COPB2: variants seen among roughly 807,000 people sequenced by gnomAD.
The protein encoded by COPB2 is coat protein complex I subunit beta 2.
Under a neutral mutation model 120.8 loss-of-function variants are expected in COPB2, and 16 were observed. That is an observed-to-expected ratio of 0.13 (90% CI 0.09 to 0.20). The LOEUF (loss-of-function observed/expected upper bound fraction) is 0.20, where lower values mean the gene tolerates loss of function less well. Ranked by LOEUF, COPB2 falls within the 10% of genes least tolerant of loss-of-function variation. COPB2 has a pLI of 1.00. For synonymous variants in COPB2, 332 were observed against 366.3 expected (o/e 0.91, Z 1.07); for missense variants, 794 against 1,076.5 (o/e 0.74, Z 3.67).
chr3:139,377,889 G>T, intron 5 of COPB2, 152 bp downstream of exon 5: 4 of 628,506 alleles, frequency 6.4e-6, no homozygotes, highest in East Asian at 3.3e-5. Context: ...CATGTCGTTT[G>T]GATTAAAATG....
At chr3:139,376,874 C>T (rs536268976) in intron 5 of COPB2, among the ~76,000 whole-genome samples, 21 of 152,286 alleles carry the variant, frequency 1.4e-4, no homozygotes, top group Admixed American at 7.8e-4. Flanking sequence ...CTCAGCCTCC[C>T]GAGTAGATGG....
chr3:139,371,882 G>T, intron 9 of COPB2, 49 bp from the exon 10 acceptor site: 1 of 1,417,018 alleles, frequency 7.1e-7, no homozygotes, highest in Non-Finnish European at 9.9e-7. Flanking sequence ...CCAAAGACAT[G>T]TAGAAGTTAA....
In COPB2 at chr3:139,359,174, C is replaced by T. The variant is rs750626785; in HGVS notation, c.2308G>A (p.Val770Met). ...GAGAGATTCTCTCTCCAGAGTTTCA[C>T]TACCCTATTATAGACATCATGGAAC... ...TYLPSQVSRV[V>M]KLWRENLSKV... The change falls in exon 19 of 22, where the codon GTG becomes ATG. Residue 770 changes from valine (V) to methionine (M), a missense_variant. Val to Met is a conservative substitution (Grantham distance 21). Around this residue, in one of 3 missense-constraint regions of COPB2, gnomAD observed 178 missense variants for 183.2 expected, o/e 0.97. Coordinates refer to ENST00000333188, the MANE Select transcript of COPB2 (RefSeq NM_004766.3). The T allele has an allele frequency of 6.8e-6, 11 of 1,613,244 alleles. No homozygotes were observed. Among genetic ancestry groups the T allele is most frequent in the Admixed American group, 1.7e-5 (1 of 59,818 alleles).
intron 2 of COPB2, chr3:139,383,005 T>G (rs1392882580): frequency 2.8e-6 from 1 of 361,858 alleles, no homozygotes; most frequent in Non-Finnish European, 5.1e-6. Context: ...GATTAAATAC[T>G]TTAGCAAGTG....
At position 139,359,026 on chromosome 3, in the gene COPB2, C is replaced by A; in HGVS notation, c.2456G>T (p.Trp819Leu). The change falls in exon 19 of 22, where the codon TGG becomes TTG. Residue 819 changes from tryptophan (W) to leucine (L), a missense_variant. Trp to Leu is a moderately conservative substitution (Grantham distance 61, BLOSUM62 -2). Around this residue, in one of 3 missense-constraint regions of COPB2, gnomAD observed 178 missense variants for 183.2 expected, o/e 0.97. Transcript: ENST00000333188. ...GACAAGTGGGTATTGTTTGGCTGGCCACAGATCAGCATGTGTTTCCTTCAC... is the reference window on the plus strand; with the variant it reads ...GACAAGTGGGTATTGTTTGGCTGGCAACAGATCAGCATGTGTTTCCTTCAC... ...EWVKETHADL[W>L]PAKQYPLVTP... 6.2e-7 allele frequency: 1 copy of A among 1,613,330 alleles called. No homozygotes were observed. The highest frequency in any genetic ancestry group is 8.5e-7 in the Non-Finnish European group (1 of 1,179,768).
intron 6 of COPB2, 70 bp from the exon 7 acceptor site, chr3:139,374,658 C>T (rs1941684094): frequency 1.6e-6 from 2 of 1,249,856 alleles, no homozygotes; most frequent in South Asian, 1.3e-5. Flanking sequence ...TTAATTTTCT[C>T]AGTGTACAGA....
chr3:139,379,080 G>A lies in COPB2; in HGVS notation c.322C>T (p.His108Tyr), dbSNP rs1471164301. The A allele has an allele frequency of 1.9e-6, 3 of 1,608,764 alleles. No homozygotes were observed. The highest frequency in any genetic ancestry group is 2.5e-6 in the Non-Finnish European group (3 of 1,178,540). The change falls in exon 4 of 22, where the codon CAT (histidine) becomes TAT (tyrosine). Residue 108 changes from histidine to tyrosine, a missense_variant. His to Tyr is a moderately conservative substitution (Grantham distance 83, BLOSUM62 2). This residue lies in a region of COPB2 where 610 missense variants were observed against 866.7 expected (regional missense o/e 0.70). Coordinates refer to ENST00000333188, the MANE Select transcript of COPB2 (RefSeq NM_004766.3). ...GTTAGAATGAAAGGCTGGGTTGGAT[G>A]AACAGCAATACAGCGAATGTAGTCT... ...HSDYIRCIAV[H>Y]PTQPFILTSS... is the part of the protein sequence containing the mutation.
intron 13 of COPB2, among the ~76,000 whole-genome samples, chr3:139,367,658 A>C (rs1197452662): frequency 6.6e-6 from 1 of 152,184 alleles, no homozygotes; most frequent in Non-Finnish European, 1.5e-5. Context: ...AGAAAAAAAA[A>C]CAAAACAAAA....
Position 139,364,393 on chromosome 3 carries a change from G to A in COPB2, c.1885-1876C>T, listed in dbSNP as rs946609313. Among the ~76,000 whole-genome samples, 3 of 152,114 alleles carry A rather than the reference G, an allele frequency of 2.0e-5. No individual in the cohort carries two copies. The East Asian group carries it at 5.8e-4, about 29-fold the overall frequency. ...GACAAACTAAAGAGTCTCCAGACCA[G>A]GAGATTCCAAGCACACTTGGAGGAA... On this transcript the variant is annotated intron_variant, in intron 15 of 21. Coordinates refer to ENST00000333188, the MANE Select transcript of COPB2 (RefSeq NM_004766.3).
rs1437110525 is a variant in COPB2, at chr3:139,366,742, G to T, written c.1710C>A (p.Asp570Glu). 6.2e-7 allele frequency: 1 copy of T among 1,613,992 alleles called. No individual in the cohort carries two copies. The highest frequency in any genetic ancestry group is 1.1e-5 in the South Asian group (1 of 91,080). The part of the protein sequence containing the change: ...TMYLLGYIPK[D>E]NRLYLGDKEL... ...CTTTATCCCCCAGATAAAGCCTGTTGTCTTTAGGAATGTAGCCTAGGAGAT... is the reference window on the plus strand; with the variant it reads ...CTTTATCCCCCAGATAAAGCCTGTTTTCTTTAGGAATGTAGCCTAGGAGAT... The change falls in exon 15 of 22, where the codon GAC becomes GAA. Residue 570 changes from aspartate to glutamate, a missense_variant. Asp to Glu is a conservative substitution (Grantham distance 45, BLOSUM62 2). Coordinates refer to ENST00000333188, the MANE Select transcript of COPB2 (RefSeq NM_004766.3).
chr3:139,371,615 T>C, intron 10 of COPB2, 108 bp downstream of exon 10: 1 of 920,214 alleles, frequency 1.1e-6, no homozygotes, highest in Non-Finnish European at 1.7e-6. Flanking sequence ...GTGAGAACTG[T>C]TTTTTAACAC....
chr3:139,374,429 T>A (rs1941681256), intron 7 of COPB2, 60 bp downstream of exon 7: 1 of 1,314,140 alleles, frequency 7.6e-7, no homozygotes, highest in Admixed American at 1.7e-5. Flanking sequence ...AGACATTACT[T>A]GCTTTAAATG....
In COPB2 at chr3:139,367,035, G is replaced by A; in HGVS notation, c.1656C>T (p.Val552=). ...GGTACCTGTCCAAGTGGGCAATGGT[G>A]ACTATTTCTCCTCCAACATAATAAT... is the stretch of plus-strand genomic sequence containing the variant. ...RLNYYVGGEI[V]TIAHLDRTMY... is the part of the protein sequence containing the mutation. Residue 552 remains valine (V), a synonymous_variant, in exon 14 of 22, where the codon GTC becomes GTT. Coordinates refer to ENST00000333188, the MANE Select transcript of COPB2 (RefSeq NM_004766.3). 1.2e-6 allele frequency: 2 copies of A among 1,612,964 alleles called. No individual in the cohort carries two copies. The highest frequency in any genetic ancestry group is 1.7e-6 in the Non-Finnish European group (2 of 1,179,656).
In COPB2 at chr3:139,357,836, T is replaced by TAGTC. The variant is rs1260402521; in HGVS notation, c.*23_*26dup. On this transcript the variant is annotated 3_prime_UTR_variant, in exon 22 of 22. Transcript: ENST00000333188. Reference sequence around the variant, plus strand: ...TACCTATATATAATAATGATCTGTTTAGTCAGGTAAATGGAAAGCATTACA... The same window carrying TAGTC: ...TACCTATATATAATAATGATCTGTTTAGTCAGTCAGGTAAATGGAAAGCATTACA... The TAGTC allele has an allele frequency of 8.0e-7, 1 of 1,254,358 alleles. No homozygotes were observed. The allele number at this position is 1,254,358 out of a possible 1,614,324, so 77.7% of individuals were successfully genotyped here.
intron 10 of COPB2, among the ~76,000 whole-genome samples, chr3:139,370,166 C>G (rs1941596879): frequency 2.6e-5 from 4 of 152,106 alleles, no homozygotes; most frequent in African/African-American, 7.2e-5. Context: ...CATACATTTG[C>G]CCAAATCTAC....
chr3:139,377,151 T>C (rs899360197), intron 5 of COPB2, among the ~76,000 whole-genome samples: 1 of 152,222 alleles, frequency 6.6e-6, no homozygotes, highest in South Asian at 2.1e-4. Flanking sequence ...CTGTTTGCTA[T>C]TGAATGGCTG....
intron 16 of COPB2, among the ~76,000 whole-genome samples, chr3:139,361,502 A>G (rs2107797121): frequency 6.6e-6 from 1 of 152,338 alleles, no homozygotes; most frequent in South Asian, 2.1e-4. Context: ...ACACAAATCA[A>G]TTTTAATGAT....
intron 2 of COPB2, 24 bp from the exon 3 acceptor site, chr3:139,379,490 C>T (rs1303581322): frequency 1.9e-6 from 3 of 1,584,616 alleles, no homozygotes; most frequent in Non-Finnish European, 2.6e-6. Context: ...CAAGAATACA[C>T]AAATTGAGCT....
intron 13 of COPB2, 87 bp downstream of exon 13, chr3:139,368,058 G>A (rs1431552761): frequency 5.5e-5 from 78 of 1,409,066 alleles, no homozygotes; most frequent in Non-Finnish European, 7.2e-5. Flanking sequence ...AATTTATAAC[G>A]AAATGTTAAA....
Sources: allele counts gnomAD v4.1 joint callset (sites outside exome capture counted in the v4.1 genomes callset), GRCh38; gene constraint gnomAD v4.1.1; regional missense constraint gnomAD v4.1.1; transcripts MANE v1.5; gene names NCBI Gene and HGNC (gene_info 2026-07-23, HGNC 2026-07-21).